The following ABCA1 variants were observed in gnomAD, a reference collection of about 807,000 sequenced individuals.
ABCA1 encodes the protein ATP binding cassette subfamily A member 1, also known as phospholipid-transporting ATPase ABCA1.
Under a neutral mutation model 262.5 loss-of-function variants are expected in ABCA1, and 133 were observed. That is an observed-to-expected ratio of 0.51 (90% CI 0.44 to 0.59). ABCA1 has a LOEUF of 0.59. ABCA1 is among the 20% of genes least tolerant of loss of function. ABCA1 has a pLI of 0.00. For synonymous variants in ABCA1, 1,022 were observed against 1,043.5 expected (o/e 0.98, Z 0.40); for missense variants, 2,452 against 2,777.5 (o/e 0.88, Z 2.63).
chr9:104,889,701 G>A (rs948490029), intron 2 of ABCA1, among the ~76,000 whole-genome samples: 50 of 152,148 alleles, frequency 3.3e-4, no homozygotes, highest in African/African-American at 1.2e-3. Flanking sequence ...GAGAGGAGAG[G>A]ACCAGGCCAA....
In ABCA1 at chr9:104,828,978, A is replaced by T. The variant is rs1833028243; in HGVS notation, c.2053T>A (p.Trp685Arg). 3.1e-6 allele frequency: 5 copies of T among 1,614,146 alleles called. No homozygotes were observed. Among genetic ancestry groups the T allele is most frequent in the Non-Finnish European group, 3.4e-6 (4 of 1,180,026 alleles). Reference protein sequence around the residue: ...GLDNSILWFSWFISSLIPLLV... With the variant: ...GLDNSILWFSRFISSLIPLLV... ...AGAGGAATGAGGCTACTAATGAACC[A>T]GCTAAACCAGAGGATGCTGTTGTCC... is the stretch of plus-strand genomic sequence containing the variant. The change falls in exon 15 of 50, where the codon TGG becomes AGG. Residue 685 changes from tryptophan to arginine, a missense_variant. Coordinates refer to ENST00000374736, the MANE Select transcript of ABCA1 (RefSeq NM_005502.4).
chr9:104,798,629 G>T, intron 36 of ABCA1, 31 bp from the exon 37 acceptor site: 1 of 1,604,358 alleles, frequency 6.2e-7, no homozygotes, highest in East Asian at 2.2e-5. Flanking sequence ...AAAATCTGAG[G>T]GGTCTTTGAT....
At chr9:104,785,859 C>A (rs1166854450) in intron 48 of ABCA1, among the ~76,000 whole-genome samples, 4 of 152,208 alleles carry the variant, frequency 2.6e-5, no homozygotes, top group Admixed American at 2.6e-4. Context: ...TTAATCCTCA[C>A]CTGGACCCAT....
chr9:104,792,346 T>C (rs927610126), intron 42 of ABCA1, among the ~76,000 whole-genome samples: 7 of 152,198 alleles, frequency 4.6e-5, no homozygotes, highest in South Asian at 2.1e-4. Flanking sequence ...AATAAAAATA[T>C]TGCAAATACT....
intron 19 of ABCA1, among the ~76,000 whole-genome samples, chr9:104,821,728 T>C (rs1205800952): frequency 6.6e-6 from 1 of 152,232 alleles, no homozygotes; most frequent in Non-Finnish European, 1.5e-5. Context: ...AGTATGAGCA[T>C]TTTTTAAACG....
At chr9:104,835,779 G>A (rs954867720) in intron 11 of ABCA1, among the ~76,000 whole-genome samples, 2 of 152,108 alleles carry the variant, frequency 1.3e-5, no homozygotes, top group Admixed American at 1.3e-4. Context: ...ATGTTTACAA[G>A]GATCTTGTCC....
chr9:104,839,590 A>C (rs1834184649), intron 9 of ABCA1, among the ~76,000 whole-genome samples: 2 of 152,184 alleles, frequency 1.3e-5, no homozygotes, highest in African/African-American at 4.8e-5. Flanking sequence ...GCTTATCTCA[A>C]TGGTAATATT....
chr9:104,875,976 C>T (rs1175031035), intron 5 of ABCA1, among the ~76,000 whole-genome samples: 1 of 152,208 alleles, frequency 6.6e-6, no homozygotes, highest in Non-Finnish European at 1.5e-5. Flanking sequence ...ACTTACTGGG[C>T]TTCTAGAGTT....
Position 104,825,801 on chromosome 9 carries a change from G to C in ABCA1, c.2424C>G (p.Asn808Lys), listed in dbSNP as rs1017142178. Residue 808 changes from asparagine (N) to lysine (K), a missense_variant, in exon 17 of 50, where the codon AAC (asparagine) becomes AAG (lysine). Physicochemically the swap from Asn to Lys is moderately conservative, Grantham distance 94 (BLOSUM62 0). Coordinates refer to ENST00000374736, the MANE Select transcript of ABCA1 (RefSeq NM_005502.4). Reference sequence around the variant, plus strand: ...CTTCCTCCACAGGACTCTCAAACAGGTTGTCCCACTGCACTCCAATGCCCT... The same window carrying C: ...CTTCCTCCACAGGACTCTCAAACAGCTTGTCCCACTGCACTCCAATGCCCT... ...EEQGIGVQWD[N>K]LFESPVEEDG... is the part of the protein sequence containing the mutation. 1.2e-6 allele frequency: 2 copies of C among 1,614,048 alleles called. No individual in the cohort carries two copies. The highest frequency in any genetic ancestry group is 2.7e-5 in the African/African-American group (2 of 74,912).
intron 8 of ABCA1, among the ~76,000 whole-genome samples, chr9:104,841,825 G>A (rs1834404377): frequency 6.6e-6 from 1 of 152,228 alleles, no homozygotes; most frequent in Non-Finnish European, 1.5e-5. Context: ...TGTCTTACAT[G>A]CAAATGTATT....
At chr9:104,841,615 T>C (rs562415135) in intron 8 of ABCA1, among the ~76,000 whole-genome samples, 3 of 151,592 alleles carry the variant, frequency 2.0e-5, no homozygotes, top group East Asian at 2.0e-4. Context: ...TGGGGGGCAG[T>C]AGATGCTTAT....
At chr9:104,920,197 T>G (rs1485275486) in intron 1 of ABCA1, among the ~76,000 whole-genome samples, 1 of 152,244 alleles carries the variant, frequency 6.6e-6, no homozygotes, top group Non-Finnish European at 1.5e-5. Context: ...ACCCTGTAAT[T>G]ACACATAAAA....
intron 30 of ABCA1, among the ~76,000 whole-genome samples, chr9:104,807,008 G>T (rs1830825081): frequency 6.6e-6 from 1 of 152,198 alleles, no homozygotes; most frequent in Non-Finnish European, 1.5e-5. Flanking sequence ...CTGAGCAAAA[G>T]CGATGGCAAG....
chr9:104,807,086 C>T (rs7862756), intron 30 of ABCA1, among the ~76,000 whole-genome samples: 2,322 of 152,234 alleles, frequency 0.015, 56 homozygotes, highest in African/African-American at 0.053. Context: ...GACAGCATGG[C>T]TGGAGTAGGA....
intron 25 of ABCA1, among the ~76,000 whole-genome samples, chr9:104,814,960 A>AC (rs1362806186): frequency 6.6e-6 from 1 of 152,158 alleles, no homozygotes; most frequent in Non-Finnish European, 1.5e-5. Flanking sequence ...GCACCACTGC[A>AC]CTCCAGCTTG....
intron 44 of ABCA1, among the ~76,000 whole-genome samples, chr9:104,788,955 G>A (rs1829169994): frequency 6.6e-6 from 1 of 152,218 alleles, no homozygotes. Flanking sequence ...CACCAAATGA[G>A]AAGGCCCAGA....
At chr9:104,863,549 T>C (rs575327351) in intron 5 of ABCA1, among the ~76,000 whole-genome samples, 1 of 152,168 alleles carries the variant, frequency 6.6e-6, no homozygotes, top group Non-Finnish European at 1.5e-5. Context: ...CATGCAGAGA[T>C]AAAGTAACAG....
chr9:104,781,664 G>A lies in ABCA1; in HGVS notation c.*2651C>T, dbSNP rs896097579. On this transcript the variant is annotated 3_prime_UTR_variant, in exon 50 of 50. Transcript: ENST00000374736. ...TGGTTGTTTTTTAACAATGAATTGT[G>A]CTGGGCATTTATGTATAGAGGGCTT... is the stretch of plus-strand genomic sequence containing the variant. 1 of 152,560 alleles carries A rather than the reference G, an allele frequency of 6.6e-6. No homozygotes were observed. The highest frequency in any genetic ancestry group is 2.4e-5 in the African/African-American group (1 of 41,432). The allele number at this position is 152,560 out of a possible 1,614,324, so 9.5% of individuals were successfully genotyped here.
Position 104,810,784 on chromosome 9 carries a change from T to C in ABCA1, c.4175+16A>G. 6.2e-7 allele frequency: 1 copy of C among 1,614,206 alleles called. No individual in the cohort carries two copies. Among genetic ancestry groups the C allele is most frequent in the Non-Finnish European group, 8.5e-7 (1 of 1,180,020 alleles). Reference sequence around the variant, plus strand: ...TCGAATCTTACCCCCTCCTGGGATGTAGAAGACAAACATACCTGACAAATG... The same window carrying C: ...TCGAATCTTACCCCCTCCTGGGATGCAGAAGACAAACATACCTGACAAATG... On this transcript the variant is annotated intron_variant, in intron 29 of 49. Transcript: ENST00000374736.
Sources: gnomAD v4.1 joint callset for allele counts (sites outside exome capture counted in the v4.1 genomes callset) on GRCh38, gnomAD v4.1.1 for gene constraint, MANE v1.5 for transcripts, NCBI Gene and HGNC (gene_info 2026-07-23, HGNC 2026-07-21) for gene names.